The following EFCAB6 variants were observed in gnomAD, a reference collection of about 807,000 sequenced individuals.
EFCAB6 encodes EF-hand calcium binding domain 6, also known as EF-hand calcium-binding domain-containing protein 6.
Under a neutral mutation model 169.8 loss-of-function variants are expected in EFCAB6, and 156 were observed. The observed-to-expected ratio is 0.92, with a 90% CI of 0.81 to 1.05. The LOEUF (loss-of-function observed/expected upper bound fraction) is 1.05, where lower values mean the gene tolerates loss of function less well. EFCAB6 is among the 50% of genes least tolerant of loss of function. The pLI, the probability that EFCAB6 is intolerant of heterozygous loss-of-function variation, is 0.00. For missense variants in EFCAB6, 1,800 were observed against 1,829.1 expected (o/e 0.98, Z 0.29); for synonymous variants, 698 against 676.4 (o/e 1.03, Z -0.50).
chr22:43,572,791 C>T lies in EFCAB6; in HGVS notation c.3420+3506G>A, dbSNP rs572588360. 2.6e-4 allele frequency among the ~76,000 whole-genome samples: 39 copies of T among 152,328 alleles called. No individual in the cohort carries two copies. The highest frequency in any genetic ancestry group is 1.6e-3 in the Admixed American group (24 of 15,304). ...TCACTCACTCCTGCTCTGTCCCCCT[C>T]GCTAGAATGGGGGCTTCTGGAGGCA... On this transcript the variant is annotated intron_variant, in intron 26 of 31. Coordinates refer to ENST00000262726, the MANE Select transcript of EFCAB6 (RefSeq NM_022785.4). This position sits in a 1 kb window ranked among gnomAD's most constrained non-coding sequence, Gnocchi z 4.0.
intron 4 of EFCAB6, among the ~76,000 whole-genome samples, chr22:43,772,641 CAAA>C (rs11285899): frequency 2.3e-4 from 28 of 120,150 alleles, no homozygotes; most frequent in Admixed American, 3.4e-4. Flanking sequence ...AATTCTGTCT[CAAA>C]AAAAAAAAAA....
intron 2 of EFCAB6, among the ~76,000 whole-genome samples, chr22:43,800,914 C>T (rs988017135): frequency 6.6e-6 from 1 of 152,026 alleles, no homozygotes; most frequent in African/African-American, 2.4e-5. Flanking sequence ...GGGTACAAAG[C>T]TTATTCAAAT....
At chr22:43,647,558 G>A (rs1487220871) in intron 17 of EFCAB6, among the ~76,000 whole-genome samples, 4 of 152,164 alleles carry the variant, frequency 2.6e-5, no homozygotes, top group Non-Finnish European at 5.9e-5. Context: ...TACCCCAAAA[G>A]GTATAATGAG....
rs756026732 is a variant in EFCAB6, at chr22:43,687,570, T to C, written c.1043A>G (p.Lys348Arg). 2 of 1,595,920 alleles carry C rather than the reference T, an allele frequency of 1.3e-6. No individual in the cohort carries two copies. The highest frequency in any genetic ancestry group is 1.7e-6 in the Non-Finnish European group (2 of 1,171,406). Residue 348 changes from lysine (K) to arginine (R), a missense_variant, in exon 11 of 32, where the codon AAA becomes AGA. Physicochemically the swap from Lys to Arg is conservative, Grantham distance 26. Transcript: ENST00000262726. ...CTTCCAATTGATTTTAGTGGTGGCT[T>C]TAAGTCCAAATCTGGATTTAAAAGT... ...FIQLMKRFGL[K>R]ATTKINWKQF...
At chr22:43,654,087 C>G (rs2056614795) in intron 17 of EFCAB6, among the ~76,000 whole-genome samples, 2 of 151,952 alleles carry the variant, frequency 1.3e-5, no homozygotes. Context: ...TTAAAATTAC[C>G]AATCAGAAGC....
At chr22:43,706,645 T>C (rs1372496279) in intron 10 of EFCAB6, among the ~76,000 whole-genome samples, 2 of 152,222 alleles carry the variant, frequency 1.3e-5, no homozygotes, top group East Asian at 1.9e-4. Flanking sequence ...AACAGTTAAA[T>C]AGTCTGATGT....
At chr22:43,546,864 C>G (rs919305450) in intron 27 of EFCAB6, among the ~76,000 whole-genome samples, 6 of 147,022 alleles carry the variant, frequency 4.1e-5, no homozygotes, top group African/African-American at 1.5e-4. Context: ...CAGAGTGAGA[C>G]TCTGTCTCAA....
rs1195638648 is a variant in EFCAB6, at chr22:43,618,246, GAGAA to G, written c.2466-2328_2466-2325del. On this transcript the variant is annotated intron_variant, in intron 20 of 31. Coordinates refer to ENST00000262726, the MANE Select transcript of EFCAB6 (RefSeq NM_022785.4). The stretch of plus-strand genomic sequence containing the variant: ...AGAGAAAGAAAGAAAGAGAGAGAAA[GAGAA>G]AGAAAGAAAAGTGACTCGGATAACT... Among the ~76,000 whole-genome samples, 27 of 150,494 alleles carry G rather than the reference GAGAA, an allele frequency of 1.8e-4. No homozygotes were observed. In the Admixed American group the frequency reaches 1.8e-3, roughly 10 times the overall value.
chr22:43,530,777 G>A (rs1238682476), intron 31 of EFCAB6, 38 bp downstream of exon 31: 3 of 1,608,016 alleles, frequency 1.9e-6, no homozygotes, highest in Non-Finnish European at 1.7e-6. Context: ...TTTGGCAGCT[G>A]CTCCCTGCAG....
intron 5 of EFCAB6, among the ~76,000 whole-genome samples, chr22:43,763,896 C>A (rs866194014): frequency 3.9e-5 from 6 of 152,098 alleles, no homozygotes; most frequent in Admixed American, 6.5e-5. Context: ...CTTAACTTCC[C>A]GAGTACCTGG....
chr22:43,676,835 T>C (rs956317274), intron 13 of EFCAB6, among the ~76,000 whole-genome samples: 21 of 152,216 alleles, frequency 1.4e-4, no homozygotes, highest in Non-Finnish European at 3.1e-4. Context: ...TTATTGATGA[T>C]GAATAAATTG....
At chr22:43,573,732 C>CAAAAA (rs748024357) in intron 26 of EFCAB6, among the ~76,000 whole-genome samples, 29 of 85,192 alleles carry the variant, frequency 3.4e-4, no homozygotes, top group East Asian at 9.4e-4. Flanking sequence ...TCTGTCTCAA[C>CAAAAA]AAAAAAAAAA....
At chr22:43,631,534 T>C (rs970117273) in intron 19 of EFCAB6, among the ~76,000 whole-genome samples, 4 of 152,000 alleles carry the variant, frequency 2.6e-5, no homozygotes, top group Non-Finnish European at 4.4e-5. Flanking sequence ...TACGATTCAG[T>C]GTGGGGGCCA....
intron 9 of EFCAB6, among the ~76,000 whole-genome samples, chr22:43,713,828 G>A (rs2059241696): frequency 6.6e-6 from 1 of 152,184 alleles, no homozygotes; most frequent in African/African-American, 2.4e-5. Context: ...CATAATATGA[G>A]TGAATCTCAT....
At chr22:43,590,534 G>A (rs772662174) in intron 23 of EFCAB6, among the ~76,000 whole-genome samples, 10 of 152,044 alleles carry the variant, frequency 6.6e-5, no homozygotes, top group Non-Finnish European at 1.3e-4. Flanking sequence ...AAAAGCCAGT[G>A]GTTTTACATA....
At chr22:43,599,913 G>A (rs539065490) in intron 23 of EFCAB6, among the ~76,000 whole-genome samples, 156 bp downstream of exon 23, 1 of 152,240 alleles carries the variant, frequency 6.6e-6, no homozygotes, top group African/African-American at 2.4e-5. Context: ...CTTTGACTTC[G>A]CACCAATTTC....
intron 6 of EFCAB6, among the ~76,000 whole-genome samples, chr22:43,737,830 TACTC>T (rs577140180): frequency 2.0e-4 from 27 of 132,820 alleles, no homozygotes; most frequent in African/African-American, 5.9e-4. Context: ...CTCACACCAT[TACTC>T]ACACACATAT....
At chr22:43,752,743 G>A (rs906414110) in intron 6 of EFCAB6, among the ~76,000 whole-genome samples, 1 of 152,162 alleles carries the variant, frequency 6.6e-6, no homozygotes, top group African/African-American at 2.4e-5. Flanking sequence ...AAGAGAGGTA[G>A]GTGTGTTAGT....
chr22:43,604,062 T>C (rs1342100377), intron 22 of EFCAB6, among the ~76,000 whole-genome samples: 1 of 151,760 alleles, frequency 6.6e-6, no homozygotes, highest in Non-Finnish European at 1.5e-5. Flanking sequence ...CTGGCTCCCT[T>C]TTTTTTTCCT....
Sources: allele counts gnomAD v4.1 joint callset (sites outside exome capture counted in the v4.1 genomes callset), GRCh38; gene constraint gnomAD v4.1.1; non-coding constraint Gnocchi (gnomAD v3.1); transcripts MANE v1.5; gene names NCBI Gene and HGNC (gene_info 2026-07-23, HGNC 2026-07-21).